ENPP1: variants seen among roughly 807,000 people sequenced by gnomAD.
ENPP1 encodes ectonucleotide pyrophosphatase/phosphodiesterase family member 1.
A neutral mutation model predicts 122.8 loss-of-function variants in ENPP1; 73 were observed. That is an observed-to-expected ratio of 0.59 (90% CI 0.49 to 0.72). ENPP1 has a LOEUF of 0.72. ENPP1 is among the 30% of genes least tolerant of loss of function. ENPP1 has a pLI of 0.00. For missense variants in ENPP1, 978 were observed against 1,128.1 expected, an observed-to-expected ratio of 0.87 and a Z score of 1.91; for synonymous variants, 367 against 391.6, an observed-to-expected ratio of 0.94 and a Z score of 0.74.
intron 1 of ENPP1, chr6:131,828,299 A>T: frequency 1.9e-6 from 1 of 525,324 alleles, no homozygotes; most frequent in Non-Finnish European, 3.7e-6. Context: ...TCCAGCCAGC[A>T]TGTCCACATG....
At chr6:131,827,016 A>G in intron 1 of ENPP1, 1 of 527,374 alleles carries the variant, frequency 1.9e-6, no homozygotes, top group Non-Finnish European at 3.5e-6. Flanking sequence ...TGAATGGTCC[A>G]CATCTTTGAG....
At chr6:131,840,766 G>T (rs1416342043) in intron 1 of ENPP1, among the ~76,000 whole-genome samples, 1 of 152,190 alleles carries the variant, frequency 6.6e-6, no homozygotes, top group Non-Finnish European at 1.5e-5. Flanking sequence ...CTAGGTCAGT[G>T]CTTGAGATGT....
rs1782314991 is a variant in ENPP1 at position 131,881,943 on chromosome 6, T to TG, written c.2101-396dup. ...CTGAGGCAGGAGAATCGCTTGAACC[T>TG]GGGGGGCAGAGTTGCGGTGAGCCGA... On this transcript the variant is annotated intron_variant, in intron 20 of 24. Coordinates refer to ENST00000647893, the MANE Select transcript of ENPP1 (RefSeq NM_006208.3). Among the ~76,000 whole-genome samples the TG allele has an allele frequency of 6.6e-5, 10 of 152,056 alleles. No individual in the cohort carries two copies. In the South Asian group the frequency reaches 1.9e-3, roughly 28 times the overall value.
intron 9 of ENPP1, among the ~76,000 whole-genome samples, chr6:131,862,370 C>T (rs1782035842): frequency 6.6e-6 from 1 of 152,006 alleles, no homozygotes; most frequent in Non-Finnish European, 1.5e-5. Context: ...CTGTAACTGC[C>T]CAACAGGTTC....
rs1010261584 is a variant in ENPP1, at chr6:131,868,051, G to A, written c.1198G>A (p.Val400Ile). 1.8e-5 allele frequency: 29 copies of A among 1,613,628 alleles called. No homozygotes were observed. Among genetic ancestry groups the A allele is most frequent in the Non-Finnish European group, 2.5e-5 (29 of 1,179,792 alleles). Residue 400 changes from valine (V) to isoleucine (I), a missense_variant, in exon 12 of 25, where the codon GTT becomes ATT. This residue lies in a region of ENPP1 where 644 missense variants were observed against 781.5 expected (regional missense o/e 0.82). Transcript: ENST00000647893. ...IKALQRVDGMVGMLMDGLKEL... is the reference protein window; with the variant it reads ...IKALQRVDGMIGMLMDGLKEL... ...AGCCTTGCAGAGGGTTGATGGTATG[G>A]TTGGTATGCTGATGGATGGTCTGAA...
chr6:131,871,653 A>G (rs1051722820), intron 13 of ENPP1, among the ~76,000 whole-genome samples: 1 of 152,216 alleles, frequency 6.6e-6, no homozygotes, highest in Non-Finnish European at 1.5e-5. Context: ...CAAAACACAT[A>G]CAGTTTTTAT....
At position 131,813,185 on chromosome 6, in the gene ENPP1, C is replaced by T. The variant is rs191620303; in HGVS notation, c.240+4910C>T. ...TGCAATTGATTAAAGGAGTAAGGCT[C>T]TGTCTAAAACTTGGAATCAACAGAA... On this transcript the variant is annotated intron_variant, in intron 1 of 24. Transcript: ENST00000647893. 3.9e-5 allele frequency among the ~76,000 whole-genome samples: 6 copies of T among 152,068 alleles called. No homozygotes were observed. In the East Asian group the frequency reaches 1.2e-3, roughly 30 times the overall value.
intron 1 of ENPP1, among the ~76,000 whole-genome samples, chr6:131,811,430 CTATATA>C (rs377274828): frequency 1.1e-4 from 16 of 141,238 alleles, no homozygotes; most frequent in Admixed American, 2.1e-4. Flanking sequence ...ATATCTATAT[CTATATA>C]TATGTAGAGA....
At chr6:131,821,164 C>T (rs961082557) in intron 1 of ENPP1, among the ~76,000 whole-genome samples, 13 of 152,306 alleles carry the variant, frequency 8.5e-5, no homozygotes, top group African/African-American at 2.9e-4. Context: ...GGCCCCACCC[C>T]AGACCTACTA....
chr6:131,824,691 T>G (rs1341540607), intron 1 of ENPP1, among the ~76,000 whole-genome samples: 3 of 151,776 alleles, frequency 2.0e-5, no homozygotes, highest in Non-Finnish European at 2.9e-5. Context: ...CCAGACCTCA[T>G]GATTCACCCA....
intron 6 of ENPP1, among the ~76,000 whole-genome samples, chr6:131,858,084 G>A (rs770928161): frequency 1.3e-5 from 2 of 152,138 alleles, no homozygotes; most frequent in Non-Finnish European, 2.9e-5. Flanking sequence ...CATTAGTTAT[G>A]TGTTCCCTCC....
chr6:131,816,549 A>G (rs1013145925), intron 1 of ENPP1, among the ~76,000 whole-genome samples: 3 of 152,240 alleles, frequency 2.0e-5, no homozygotes, highest in Admixed American at 6.5e-5. Context: ...AGGAAAGACA[A>G]TGTAGGAACA....
intron 9 of ENPP1, among the ~76,000 whole-genome samples, chr6:131,863,705 G>A (rs1782051963): frequency 6.6e-6 from 1 of 150,714 alleles, no homozygotes; most frequent in Non-Finnish European, 1.5e-5. Context: ...ACGAGGTCAG[G>A]AGATCACCTG....
rs1167528777 is a variant in ENPP1, at chr6:131,867,274, G to A, written c.1165-744G>A. Among the ~76,000 whole-genome samples, 6 of 152,270 alleles carry A rather than the reference G, an allele frequency of 3.9e-5. No individual in the cohort carries two copies. The South Asian group carries it at 1.2e-3, about 32-fold the overall frequency. ...AATACTGACAATGAATGAAGATTAA[G>A]CTGATTCCACACATTACAGAAAATA... is the stretch of plus-strand genomic sequence containing the variant. On this transcript the variant is annotated intron_variant, in intron 11 of 24. Coordinates refer to ENST00000647893, the MANE Select transcript of ENPP1 (RefSeq NM_006208.3).
At chr6:131,828,110 G>A (rs534278055) in intron 1 of ENPP1, 56 of 606,538 alleles carry the variant, frequency 9.2e-5, no homozygotes, top group South Asian at 7.6e-4. Context: ...GTTGATGTAG[G>A]AGTCCTGCTG....
At chr6:131,858,824 A>C in intron 7 of ENPP1, 77 bp downstream of exon 7, 1 of 1,082,298 alleles carries the variant, frequency 9.2e-7, no homozygotes, top group Non-Finnish European at 1.4e-6. Flanking sequence ...GAATAGATTT[A>C]AGATAAAAGA....
intron 19 of ENPP1, among the ~76,000 whole-genome samples, chr6:131,879,500 A>G (rs1453793268): frequency 6.6e-6 from 1 of 152,136 alleles, no homozygotes; most frequent in Non-Finnish European, 1.5e-5. Flanking sequence ...TCAATTCTGA[A>G]CTTCTGCTTT....
intron 18 of ENPP1, chr6:131,877,489 G>A: frequency 2.7e-6 from 1 of 372,514 alleles, no homozygotes; most frequent in South Asian, 2.5e-5. Flanking sequence ...AATCTGTGCT[G>A]TTAACTCTAG....
intron 1 of ENPP1, among the ~76,000 whole-genome samples, chr6:131,809,395 C>A (rs1458074983): frequency 2.6e-5 from 4 of 152,164 alleles, no homozygotes; most frequent in Non-Finnish European, 5.9e-5. Context: ...AGGAATCAAT[C>A]TTCCTAGACT....
Sources: allele counts gnomAD v4.1 joint callset (sites outside exome capture counted in the v4.1 genomes callset), GRCh38; gene constraint gnomAD v4.1.1; regional missense constraint gnomAD v4.1.1; transcripts MANE v1.5; gene names NCBI Gene and HGNC (gene_info 2026-07-23, HGNC 2026-07-21).